The following SUPV3L1 variants were observed in gnomAD, a reference collection of about 807,000 sequenced individuals.
SUPV3L1 encodes the protein ATP-dependent RNA helicase SUPV3L1, mitochondrial.
A neutral mutation model predicts 70.0 loss-of-function variants in SUPV3L1; 35 were observed. The ratio of observed to expected loss-of-function variants is 0.50; its 90% confidence interval spans 0.38 to 0.66. The LOEUF (loss-of-function observed/expected upper bound fraction) is 0.66, where lower values mean the gene tolerates loss of function less well. SUPV3L1 is among the 30% of genes least tolerant of loss of function. The pLI, the probability that SUPV3L1 is intolerant of heterozygous loss-of-function variation, is 0.00. For missense variants in SUPV3L1, 777 were observed against 961.5 expected (o/e 0.81, Z 2.54); for synonymous variants, 364 against 341.9 (o/e 1.06, Z -0.71).
rs758194309 is a variant in SUPV3L1 at position 69,208,773 on chromosome 10, C to T, written c.2099C>T (p.Ser700Leu). The T allele has an allele frequency of 5.0e-6, 8 of 1,614,128 alleles. No individual in the cohort carries two copies. In the South Asian group the frequency reaches 7.7e-5, roughly 16 times the overall value. Residue 700 changes from serine to leucine, a missense_variant, in exon 15 of 15, where the codon TCA becomes TTA. This residue lies in a region of SUPV3L1 where 619 missense variants were observed against 823.3 expected (regional missense o/e 0.75). Coordinates refer to ENST00000359655, the MANE Select transcript of SUPV3L1 (RefSeq NM_003171.5). Reference sequence around the variant, plus strand: ...CCATCAGGGAGCCAGTCACGATTGTCAGGAACCTTAAAGAGCCAAGCTAGA... The same window carrying T: ...CCATCAGGGAGCCAGTCACGATTGTTAGGAACCTTAAAGAGCCAAGCTAGA... Reference protein sequence around the residue: ...GFPSGSQSRLSGTLKSQARRT... With the variant: ...GFPSGSQSRLLGTLKSQARRT...
intron 6 of SUPV3L1, chr10:69,192,791 G>C (rs115187756): frequency 1.3e-5 from 2 of 152,120 alleles, no homozygotes; most frequent in African/African-American, 4.8e-5. Context: ...CTGCAGCCTC[G>C]ACCTCCTGGG....
At chr10:69,180,733 A>G (rs1842030257) in intron 1 of SUPV3L1, among the ~76,000 whole-genome samples, 171 bp downstream of exon 1, 1 of 152,228 alleles carries the variant, frequency 6.6e-6, no homozygotes, top group South Asian at 2.1e-4. Flanking sequence ...CAAACGGCTT[A>G]GGACTGTATC....
chr10:69,185,854 C>T (rs1031438269), intron 1 of SUPV3L1, 133 bp from the exon 2 acceptor site: 11 of 738,610 alleles, frequency 1.5e-5, no homozygotes, highest in South Asian at 3.1e-5. Flanking sequence ...AAAGAAGGAT[C>T]GACTAAAACC....
At chr10:69,186,195 T>C in intron 2 of SUPV3L1, 131 bp downstream of exon 2, 1 of 871,830 alleles carries the variant, frequency 1.1e-6, no homozygotes, top group Non-Finnish European at 1.8e-6. Flanking sequence ...TGCTTCTGGC[T>C]GAGTGGGAGA....
Position 69,198,467 on chromosome 10 carries a change from T to C in SUPV3L1, c.1119T>C (p.Phe373=). 6.2e-7 allele frequency: 1 copy of C among 1,614,104 alleles called. No homozygotes were observed. The highest frequency in any genetic ancestry group is 8.5e-7 in the Non-Finnish European group (1 of 1,179,988). ...GGCCTGGGGACTGCATTGTCTGTTTTAGCAAGAATGATATTTATTCTGTGA... is the reference window on the plus strand; with the variant it reads ...GGCCTGGGGACTGCATTGTCTGTTTCAGCAAGAATGATATTTATTCTGTGA... ...NLRPGDCIVC[F]SKNDIYSVSR... Residue 373 remains phenylalanine, a synonymous_variant, in exon 9 of 15, where the codon TTT becomes TTC. Coordinates refer to ENST00000359655, the MANE Select transcript of SUPV3L1 (RefSeq NM_003171.5).
chr10:69,207,024 G>A (rs2132310536), intron 13 of SUPV3L1, among the ~76,000 whole-genome samples: 1 of 152,198 alleles, frequency 6.6e-6, no homozygotes, highest in Non-Finnish European at 1.5e-5. Context: ...TAAAAAATAA[G>A]GGAGGACATT....
intron 13 of SUPV3L1, 47 bp from the exon 14 acceptor site, chr10:69,207,746 G>A (rs1842868439): frequency 6.3e-7 from 1 of 1,576,254 alleles, no homozygotes; most frequent in Non-Finnish European, 8.6e-7. Flanking sequence ...ATAGACTTAA[G>A]GGAATTCTGA....
Position 69,192,644 on chromosome 10 carries a change from A to C in SUPV3L1, c.853+878A>C, listed in dbSNP as rs202141244. The C allele has an allele frequency of 2.0e-5, 3 of 152,170 alleles. No individual in the cohort carries two copies. In the East Asian group the frequency reaches 5.8e-4, roughly 29 times the overall value. The allele number at this position is 152,170 out of a possible 1,614,324, so 9.4% of individuals were successfully genotyped here. A position where few individuals can be genotyped will look rare whatever the true frequency, so the allele number is the denominator to read the frequency against. ...ATTTGTTCCCCATTTGTTAAAGGAT[A>C]TTTAGGTTGTTTAAAGTTTTTTCCT... On this transcript the variant is annotated intron_variant, in intron 6 of 14. Transcript: ENST00000359655.
At chr10:69,187,030 T>G (rs1232820596) in intron 3 of SUPV3L1, among the ~76,000 whole-genome samples, 2 of 152,212 alleles carry the variant, frequency 1.3e-5, no homozygotes, top group Admixed American at 6.5e-5. Flanking sequence ...CAGCCTCCTC[T>G]CAGAGCCACT....
intron 4 of SUPV3L1, among the ~76,000 whole-genome samples, chr10:69,188,568 G>C (rs764010627): frequency 6.6e-6 from 1 of 151,998 alleles, no homozygotes; most frequent in South Asian, 2.1e-4. Context: ...GTGCGTTCTC[G>C]GCTCACTGCA....
At chr10:69,193,468 T>C (rs1842453145) in intron 6 of SUPV3L1, among the ~76,000 whole-genome samples, 1 of 151,764 alleles carries the variant, frequency 6.6e-6, no homozygotes, top group Non-Finnish European at 1.5e-5. Context: ...TTTTTTTTTT[T>C]TTTGAGACAG....
chr10:69,198,737 T>A (rs902209975), intron 9 of SUPV3L1, among the ~76,000 whole-genome samples, 185 bp downstream of exon 9: 1 of 152,218 alleles, frequency 6.6e-6, no homozygotes, highest in African/African-American at 2.4e-5. Context: ...AGTATTTTAA[T>A]TATAGTTCTT....
At chr10:69,199,389 G>A (rs1387936754) in intron 10 of SUPV3L1, among the ~76,000 whole-genome samples, 192 bp downstream of exon 10, 1 of 152,106 alleles carries the variant, frequency 6.6e-6, no homozygotes, top group Non-Finnish European at 1.5e-5. Context: ...ATAGTGCCAG[G>A]ACTTTTCTTA....
At chr10:69,187,352 T>C (rs931363790) in intron 3 of SUPV3L1, 3 of 126,834 alleles carry the variant, frequency 2.4e-5, no homozygotes, top group African/African-American at 8.6e-5. Flanking sequence ...TTTTTTTTTT[T>C]TTTTTTTTTT....
intron 2 of SUPV3L1, 29 bp downstream of exon 2, chr10:69,186,093 A>G (rs1344509236): frequency 5.0e-6 from 8 of 1,586,602 alleles, no homozygotes; most frequent in Non-Finnish European, 6.9e-6. Flanking sequence ...TCATAGAGGT[A>G]TTTTATTACC....
At chr10:69,190,234 CT>C (rs1842357702) in intron 5 of SUPV3L1, among the ~76,000 whole-genome samples, 1 of 152,102 alleles carries the variant, frequency 6.6e-6, no homozygotes, top group Non-Finnish European at 1.5e-5. Flanking sequence ...TTTAATTTAC[CT>C]TTTATAGATT....
At chr10:69,181,702 T>G in intron 1 of SUPV3L1, among the ~76,000 whole-genome samples, 1 of 152,166 alleles carries the variant, frequency 6.6e-6, no homozygotes, top group Non-Finnish European at 1.5e-5. Context: ...AATGAGCCTG[T>G]GAGACAGAGA....
intron 1 of SUPV3L1, among the ~76,000 whole-genome samples, chr10:69,183,963 T>C (rs935874255): frequency 1.3e-5 from 2 of 151,928 alleles, no homozygotes; most frequent in African/African-American, 4.8e-5. Flanking sequence ...TTCATATTTA[T>C]AGTGTCATAT....
At position 69,200,410 on chromosome 10, in the gene SUPV3L1, C is replaced by T. The variant is rs748960862; in HGVS notation, c.1429C>T (p.Arg477Trp). 1.4e-5 allele frequency: 23 copies of T among 1,613,906 alleles called. No homozygotes were observed. The highest frequency in any genetic ancestry group is 2.2e-5 in the East Asian group (1 of 44,892). Residue 477 changes from arginine (R) to tryptophan (W), a missense_variant, in exon 11 of 15, where the codon CGG (arginine) becomes TGG (tryptophan). Arg to Trp is a moderately radical substitution (Grantham distance 101). Transcript: ENST00000359655. The part of the protein sequence containing the change: ...IAGRAGRFSS[R>W]FKEGEVTTMN... ...TGGCAGAGCTGGCAGATTCAGCTCA[C>T]GGTTTAAAGAAGGAGAGGTTACAAC...
Sources: gnomAD v4.1 joint callset for allele counts (sites outside exome capture counted in the v4.1 genomes callset) on GRCh38, gnomAD v4.1.1 for gene constraint, gnomAD v4.1.1 regional missense constraint, MANE v1.5 for transcripts, NCBI Gene and HGNC (gene_info 2026-07-23, HGNC 2026-07-21) for gene names.